Variants in ZFR2 observed in about 807,000 individuals in gnomAD.
ZFR2 encodes the protein zinc finger RNA-binding protein 2.
ZFR2 carries 104 observed loss-of-function variants against 105.7 expected under a neutral mutation model. The ratio of observed to expected loss-of-function variants is 0.98; its 90% confidence interval spans 0.84 to 1.16. The LOEUF is 1.16. ZFR2 is among the 50% of genes most tolerant of loss of function. The pLI is 0.00. For synonymous variants in ZFR2, 634 were observed against 597.7 expected, an observed-to-expected ratio of 1.06 and a Z score of -0.89; for missense variants, 1,425 against 1,355.5, an observed-to-expected ratio of 1.05 and a Z score of -0.80.
intron 14 of ZFR2, among the ~76,000 whole-genome samples, chr19:3,812,236 G>A (rs563330177): frequency 1.6e-4 from 24 of 152,156 alleles, no homozygotes; most frequent in African/African-American, 5.3e-4. Context: ...GAGCCACCGC[G>A]CCTGGCCAAA....
chr19:3,851,758 A>T (rs1048688493), intron 1 of ZFR2: 1 of 152,636 alleles, frequency 6.6e-6, no homozygotes, highest in African/African-American at 2.4e-5. Context: ...AAAAGTTAAA[A>T]GGGTAATAAT....
In ZFR2 at chr19:3,811,383, C is replaced by T; in HGVS notation, c.2243-17G>A. ...CCTCCACACCTTCTAGAAGAAAAACCTCGAGGTGTGCGGGGAAGGTGCCTC... is the reference window on the plus strand; with the variant it reads ...CCTCCACACCTTCTAGAAGAAAAACTTCGAGGTGTGCGGGGAAGGTGCCTC... On this transcript the variant is annotated splice_polypyrimidine_tract_variant and intron_variant, in intron 14 of 18. Coordinates refer to ENST00000262961, the MANE Select transcript of ZFR2 (RefSeq NM_015174.2). 2 of 1,564,944 alleles carry T rather than the reference C, an allele frequency of 1.3e-6. No individual in the cohort carries two copies. The highest frequency in any genetic ancestry group is 1.2e-5 in the South Asian group (1 of 84,940).
intron 3 of ZFR2, chr19:3,833,458 C>T (rs780078541): frequency 2.3e-6 from 1 of 441,978 alleles, no homozygotes; most frequent in Admixed American, 3.4e-5. Context: ...CACTTGTAGT[C>T]CCAGCTACTC....
Position 3,854,128 on chromosome 19 carries a change from C to T in ZFR2, c.53+14837G>A, listed in dbSNP as rs192852689. Among the ~76,000 whole-genome samples, 83 of 149,302 alleles carry T rather than the reference C, an allele frequency of 5.6e-4. No homozygotes were observed. In the East Asian group the frequency reaches 0.013, roughly 24 times the overall value. On this transcript the variant is annotated intron_variant, in intron 1 of 18. Coordinates refer to ENST00000262961, the MANE Select transcript of ZFR2 (RefSeq NM_015174.2). The stretch of plus-strand genomic sequence containing the variant: ...GACACAGGCAGGGCACAGTGGCCTA[C>T]GCCTGTAATCCCAGCACTTTGGGAG...
At chr19:3,836,724 G>C (rs1199893227) in intron 1 of ZFR2, among the ~76,000 whole-genome samples, 1 of 152,102 alleles carries the variant, frequency 6.6e-6, no homozygotes, top group Admixed American at 6.6e-5. Context: ...CGCTCCCCAC[G>C]GTCTAGACGA....
rs1568427335 is a variant in ZFR2 at position 3,838,116 on chromosome 19, G to GATGAACACCGTGACCGTGACACACA, written c.54-3134_54-3133insTGTGTGTCACGGTCACGGTGTTCAT. ...GATGAACACCGTGACCGTGACACTC[G>GATGAACACCGTGACCGTGACACACA]ATGAACACCGTGACTGTGACACACA... On this transcript the variant is annotated intron_variant, in intron 1 of 18. Transcript: ENST00000262961. This position sits in a 1 kb window ranked among gnomAD's most constrained non-coding sequence, Gnocchi z 4.9. 2.4e-4 allele frequency among the ~76,000 whole-genome samples: 36 copies of GATGAACACCGTGACCGTGACACACA among 150,198 alleles called. No homozygotes were observed. Among genetic ancestry groups the GATGAACACCGTGACCGTGACACACA allele is most frequent in the African/African-American group, 8.1e-4 (33 of 40,882 alleles).
chr19:3,819,200 G>T lies in ZFR2; in HGVS notation c.1776C>A (p.His592Gln), dbSNP rs367989987. 1.2e-5 allele frequency: 19 copies of T among 1,576,032 alleles called. No individual in the cohort carries two copies. The South Asian group carries it at 2.0e-4, about 17-fold the overall frequency. The change falls in exon 12 of 19, where the codon CAC becomes CAA. Residue 592 changes from histidine to glutamine, a missense_variant. By Grantham distance (24) the His-to-Gln change is conservative. Transcript: ENST00000262961. ...GRRPASSDDR[H>Q]VMCKHATIYP... is the part of the protein sequence containing the mutation. ...AGATGGTGGCGTGCTTGCACATGAC[G>T]TGCCGGTCGTCGCTGGACGCCGGCC...
At chr19:3,815,845 G>A (rs1243262208) in intron 13 of ZFR2, among the ~76,000 whole-genome samples, 3 of 151,204 alleles carry the variant, frequency 2.0e-5, no homozygotes, top group African/African-American at 4.9e-5. Flanking sequence ...TCTGCCTCCC[G>A]GGTTCATGCC....
chr19:3,859,799 T>C (rs1475557329), intron 1 of ZFR2, among the ~76,000 whole-genome samples: 1 of 152,250 alleles, frequency 6.6e-6, no homozygotes, highest in African/African-American at 2.4e-5. Flanking sequence ...CAGAATTTCA[T>C]TTTGTGGCAC....
intron 1 of ZFR2, among the ~76,000 whole-genome samples, chr19:3,839,898 G>A (rs1439930076): frequency 6.6e-6 from 1 of 152,158 alleles, no homozygotes; most frequent in Non-Finnish European, 1.5e-5. Context: ...TGCCCAGGCT[G>A]GATGGAGTGC....
intron 1 of ZFR2, among the ~76,000 whole-genome samples, chr19:3,842,010 CTTT>C (rs566135761): frequency 4.8e-5 from 7 of 145,288 alleles, no homozygotes; most frequent in Non-Finnish European, 6.1e-5. Flanking sequence ...AGCAGAGTGA[CTTT>C]TTTTTTTTTA....
rs747943864 is a variant in ZFR2, at chr19:3,823,273, C to T, written c.1344G>A (p.Gln448=). Reference sequence around the variant, plus strand: ...CCTCCACATATTCCGGGCCCACCGGCTGCGCATCAGAGCAGCCCGCGGGAG... The same window carrying T: ...CCTCCACATATTCCGGGCCCACCGGTTGCGCATCAGAGCAGCCCGCGGGAG... ...KEAPAGCSDA[Q]PVGPEYVEEV... is the part of the protein sequence containing the mutation. Residue 448 remains glutamine (Q), a synonymous_variant, in exon 8 of 19, where the codon CAG becomes CAA. Transcript: ENST00000262961. The surrounding 1 kb of genome is among the most constrained non-coding windows in gnomAD (Gnocchi z 5.4). 3.1e-6 allele frequency: 5 copies of T among 1,613,902 alleles called. No homozygotes were observed. The African/African-American group carries it at 5.3e-5, about 17-fold the overall frequency.
intron 17 of ZFR2, among the ~76,000 whole-genome samples, chr19:3,808,029 T>G (rs950036455): frequency 7.3e-6 from 1 of 137,766 alleles, no homozygotes; most frequent in South Asian, 2.3e-4. Context: ...GTATGTGCAC[T>G]CATGTCCTTG....
At position 3,805,565 on chromosome 19, in the gene ZFR2, G is replaced by A. The variant is rs577555898; in HGVS notation, c.*384C>T. 6.7e-4 allele frequency: 116 copies of A among 171,942 alleles called. No homozygotes were observed. The highest frequency in any genetic ancestry group is 2.4e-3 in the African/African-American group (103 of 42,130). The allele number at this position is 171,942 out of a possible 1,614,324, so 10.7% of individuals were successfully genotyped here. A position where few individuals can be genotyped will look rare whatever the true frequency, so the allele number is the denominator to read the frequency against. Reference sequence around the variant, plus strand: ...AGGGTTTCACCATGTTGACCAGGCCGGTCTCGAACTCCTGACCTCAGGCGA... The same window carrying A: ...AGGGTTTCACCATGTTGACCAGGCCAGTCTCGAACTCCTGACCTCAGGCGA... On this transcript the variant is annotated 3_prime_UTR_variant, in exon 19 of 19. Transcript: ENST00000262961.
Position 3,868,510 on chromosome 19 carries a change from G to A in ZFR2, c.53+455C>T, listed in dbSNP as rs79898020. Among the ~76,000 whole-genome samples the A allele has an allele frequency of 7.2e-4, 106 of 147,098 alleles. 3 individuals are homozygous for A. The East Asian group carries it at 0.014, about 19-fold the overall frequency. ...CTCTGCCCATCCCCACCCACTCCCC[G>A]GCCAGGCACCTCCCAGGTCTCCTCC... On this transcript the variant is annotated intron_variant, in intron 1 of 18. Coordinates refer to ENST00000262961, the MANE Select transcript of ZFR2 (RefSeq NM_015174.2).
Position 3,806,174 on chromosome 19 carries a change from G to A in ZFR2, c.2644-49C>T, listed in dbSNP as rs1392372206. The A allele has an allele frequency of 4.3e-6, 6 of 1,391,780 alleles. No homozygotes were observed. In the African/African-American group the frequency reaches 4.5e-5, roughly 10 times the overall value. The allele number at this position is 1,391,780 out of a possible 1,614,324, so 86.2% of individuals were successfully genotyped here. ...AGGACCCCCGCCCGCTCTGCTCCCC[G>A]AGTGCTGGGGACACAGAGGGGCTGG... On this transcript the variant is annotated intron_variant, in intron 18 of 18. Coordinates refer to ENST00000262961, the MANE Select transcript of ZFR2 (RefSeq NM_015174.2).
rs779446329 is a variant in ZFR2 at position 3,831,668 on chromosome 19, G to A, written c.590C>T (p.Ala197Val). 11 of 1,551,228 alleles carry A rather than the reference G, an allele frequency of 7.1e-6. No homozygotes were observed. The highest frequency in any genetic ancestry group is 9.6e-6 in the Non-Finnish European group (11 of 1,145,618). The change falls in exon 4 of 19, where the codon GCC becomes GTC. Residue 197 changes from alanine (A) to valine (V), a missense_variant. Coordinates refer to ENST00000262961, the MANE Select transcript of ZFR2 (RefSeq NM_015174.2). ...PPPSYNPTCT[A>V]YTAPSYPNYD... Reference sequence around the variant, plus strand: ...AGGAACGCTGGTCTTACCCGTGTAGGCGGTGCAGGTGGGGTTGTAGGAGGG... The same window carrying A: ...AGGAACGCTGGTCTTACCCGTGTAGACGGTGCAGGTGGGGTTGTAGGAGGG...
intron 1 of ZFR2, among the ~76,000 whole-genome samples, chr19:3,867,680 C>T (rs887939336): frequency 3.9e-5 from 6 of 152,020 alleles, no homozygotes; most frequent in African/African-American, 1.5e-4. Flanking sequence ...TCCCTGGAAA[C>T]CCAGGTGCCC....
At chr19:3,862,270 A>C (rs943813507) in intron 1 of ZFR2, among the ~76,000 whole-genome samples, 3 of 152,188 alleles carry the variant, frequency 2.0e-5, no homozygotes, top group Non-Finnish European at 4.4e-5. Flanking sequence ...CTAGGAATTT[A>C]CTTCTGCCCC....
Sources: allele counts gnomAD v4.1 joint callset (sites outside exome capture counted in the v4.1 genomes callset), GRCh38; gene constraint gnomAD v4.1.1; non-coding constraint Gnocchi (gnomAD v3.1); transcripts MANE v1.5; gene names NCBI Gene and HGNC (gene_info 2026-07-23, HGNC 2026-07-21).